The following ACSM2B variants were observed in gnomAD, a reference collection of about 807,000 sequenced individuals.
ACSM2B encodes the protein acyl-coenzyme A synthetase ACSM2B, mitochondrial.
ACSM2B carries 58 observed loss-of-function variants against 78.6 expected under a neutral mutation model. The ratio of observed to expected loss-of-function variants is 0.74; its 90% confidence interval spans 0.60 to 0.92. ACSM2B has a LOEUF of 0.92. Among genes scored for constraint, ACSM2B ranks in the 40% least tolerant of loss-of-function variants. The pLI is 0.00. For missense variants in ACSM2B, 688 were observed against 711.2 expected (o/e 0.97, Z 0.37); for synonymous variants, 257 against 256.8 (o/e 1.00, Z -0.01).
Position 20,548,444 on chromosome 16 carries a change from C to T in ACSM2B, c.924G>A (p.Met308Ile), listed in dbSNP as rs2015209973. The change falls in exon 7 of 14, where the codon ATG becomes ATA. Residue 308 changes from methionine (M) to isoleucine (I), a missense_variant. Physicochemically the swap from Met to Ile is conservative, Grantham distance 10. Transcript: ENST00000329697. ...TCCGGTAAACAATAGGGGCACCCAT[C>T]ATACTCTTGATTGGATAACTGGAGA... ...KTLSSYPIKS[M>I]MGAPIVYRML... 7 of 1,613,666 alleles carry T rather than the reference C, an allele frequency of 4.3e-6. No homozygotes were observed. In the East Asian group the frequency reaches 1.6e-4, roughly 36 times the overall value.
intron 6 of ACSM2B, 78 bp from the exon 7 acceptor site, chr16:20,548,551 G>C: frequency 1.2e-6 from 2 of 1,607,878 alleles, no homozygotes; most frequent in Non-Finnish European, 1.7e-6. Flanking sequence ...GGTTACAATT[G>C]TGAGCTATGG....
At chr16:20,537,488 CA>C (rs1269363049) in intron 13 of ACSM2B, 126 bp from the exon 14 acceptor site, 3 of 986,860 alleles carry the variant, frequency 3.0e-6, no homozygotes, top group Non-Finnish European at 4.7e-6. Context: ...CCGCCCTGTG[CA>C]ATAAGAAGCT....
intron 13 of ACSM2B, among the ~76,000 whole-genome samples, chr16:20,538,316 C>A (rs2014898423): frequency 6.6e-6 from 1 of 152,126 alleles, no homozygotes; most frequent in African/African-American, 2.4e-5. Flanking sequence ...AAAATACAGC[C>A]CACTTCCTGT....
In ACSM2B at chr16:20,540,489, C is replaced by T. The variant is rs529094996; in HGVS notation, c.1629+165G>A. On this transcript the variant is annotated intron_variant, in intron 13 of 13. Coordinates refer to ENST00000329697, the MANE Select transcript of ACSM2B (RefSeq NM_001105069.2). ...AACTCCTGCCCTCAGGTGATCCACCCGCCTTGGCCTTCCAAAGTGCTGGGA... is the reference window on the plus strand; with the variant it reads ...AACTCCTGCCCTCAGGTGATCCACCTGCCTTGGCCTTCCAAAGTGCTGGGA... Among the ~76,000 whole-genome samples the T allele has an allele frequency of 3.3e-5, 5 of 152,302 alleles. No individual in the cohort carries two copies. In the East Asian group the frequency reaches 5.8e-4, roughly 18 times the overall value.
chr16:20,553,797 G>A lies in ACSM2B; in HGVS notation c.720C>T (p.Leu240=). 1 of 1,611,110 alleles carries A rather than the reference G, an allele frequency of 6.2e-7. No individual in the cohort carries two copies. The highest frequency in any genetic ancestry group is 1.7e-5 in the Admixed American group (1 of 59,880). The change falls in exon 5 of 14, where the codon CTC becomes CTT. Residue 240 remains leucine, a synonymous_variant. Transcript: ENST00000329697. ...CTTACCCAGCATCCATCTTGGCCTT[G>A]AGGCCCAGGCTCGAGTAGGAATGTT... The part of the protein sequence containing the change: ...MAEHSYSSLG[L]KAKMDAGWTG...
At chr16:20,568,087 C>T (rs1371067486) in intron 1 of ACSM2B, among the ~76,000 whole-genome samples, 6 of 141,952 alleles carry the variant, frequency 4.2e-5, no homozygotes, top group African/African-American at 7.7e-5. Flanking sequence ...TACTATACTG[C>T]CTTCACAGAA....
At chr16:20,557,412 C>T (rs1020686252) in intron 3 of ACSM2B, among the ~76,000 whole-genome samples, 5 of 149,300 alleles carry the variant, frequency 3.3e-5, no homozygotes, top group South Asian at 2.2e-4. Context: ...AGTTCCCCCC[C>T]AATTGCCTGT....
chr16:20,569,226 G>C (rs1464945863), intron 1 of ACSM2B, among the ~76,000 whole-genome samples: 6 of 151,914 alleles, frequency 3.9e-5, no homozygotes, highest in Non-Finnish European at 8.8e-5. Context: ...GATCCATCTT[G>C]AGGTGGTTTT....
chr16:20,540,561 T>C, intron 13 of ACSM2B, 93 bp downstream of exon 13: 1 of 1,556,220 alleles, frequency 6.4e-7, no homozygotes, highest in African/African-American at 1.4e-5. Context: ...CTTTTTAAAA[T>C]TAGAAGGCTG....
intron 3 of ACSM2B, among the ~76,000 whole-genome samples, chr16:20,558,087 C>G (rs2015531515): frequency 6.6e-6 from 1 of 152,146 alleles, no homozygotes; most frequent in African/African-American, 2.4e-5. Context: ...AGTCATGGAG[C>G]CAGAGGTCAC....
intron 4 of ACSM2B, among the ~76,000 whole-genome samples, chr16:20,554,851 C>T (rs1239704712): frequency 6.6e-6 from 1 of 152,226 alleles, no homozygotes; most frequent in Non-Finnish European, 1.5e-5. Flanking sequence ...CAGTGTGCAT[C>T]ACGAGTGATT....
At chr16:20,537,432 T>A in intron 13 of ACSM2B, 70 bp from the exon 14 acceptor site, 1 of 1,561,680 alleles carries the variant, frequency 6.4e-7, no homozygotes, top group Non-Finnish European at 8.8e-7. Flanking sequence ...TCAGAACTGC[T>A]GTAGGGTGAG....
chr16:20,563,612 A>T (rs2015733458), intron 2 of ACSM2B, among the ~76,000 whole-genome samples: 1 of 151,878 alleles, frequency 6.6e-6, no homozygotes, highest in African/African-American at 2.4e-5. Context: ...CAGAAATCTA[A>T]ATTTCTGTTT....
At chr16:20,540,223 TG>T (rs1439122223) in intron 13 of ACSM2B, among the ~76,000 whole-genome samples, 3 of 52,892 alleles carry the variant, frequency 5.7e-5, no homozygotes, top group South Asian at 6.3e-4. Flanking sequence ...GTTTTTTTTT[TG>T]TTTTTTTTTT....
intron 1 of ACSM2B, chr16:20,573,987 T>A (rs2016171533): frequency 6.6e-6 from 1 of 151,664 alleles, no homozygotes; most frequent in African/African-American, 2.4e-5. Flanking sequence ...TGACTAGAAT[T>A]TACCCGGCTG....
At chr16:20,550,058 C>G (rs1335494273) in intron 6 of ACSM2B, among the ~76,000 whole-genome samples, 1 of 152,034 alleles carries the variant, frequency 6.6e-6, no homozygotes, top group African/African-American at 2.4e-5. Flanking sequence ...TATAATGAGG[C>G]ATGTCCCACT....
intron 1 of ACSM2B, chr16:20,574,599 T>C (rs868571170): frequency 1.3e-5 from 2 of 151,226 alleles, no homozygotes; most frequent in African/African-American, 2.5e-5. Flanking sequence ...ATTTATGTTC[T>C]TCTGCCTCAG....
chr16:20,563,086 G>A (rs559283046), intron 2 of ACSM2B, among the ~76,000 whole-genome samples: 6 of 152,184 alleles, frequency 3.9e-5, no homozygotes, highest in African/African-American at 1.2e-4. Context: ...TTTCAAGGGG[G>A]CAGATTTGAG....
intron 12 of ACSM2B, chr16:20,541,199 A>G (rs1368013587): frequency 6.0e-6 from 1 of 166,850 alleles, no homozygotes; most frequent in East Asian, 1.6e-4. Context: ...CAGCAGGGCT[A>G]GCTCAGAGCT....
Sources: gnomAD v4.1 joint callset for allele counts (sites outside exome capture counted in the v4.1 genomes callset) on GRCh38, gnomAD v4.1.1 for gene constraint, MANE v1.5 for transcripts, NCBI Gene and HGNC (gene_info 2026-07-23, HGNC 2026-07-21) for gene names.